The following TMEM98 variants were observed in gnomAD, a reference collection of about 807,000 sequenced individuals.
TMEM98 encodes transmembrane protein 98.
TMEM98 carries 18 observed loss-of-function variants against 25.0 expected under a neutral mutation model. That is an observed-to-expected ratio of 0.72 (90% confidence interval 0.50 to 1.07). TMEM98 has a LOEUF of 1.07. TMEM98 is among the 50% of genes least tolerant of loss of function. TMEM98 has a pLI of 0.00. For missense variants in TMEM98, 241 were observed against 289.0 expected (o/e 0.83, Z 1.20); for synonymous variants, 103 against 112.4 (o/e 0.92, Z 0.53).
intron 3 of TMEM98, 33 bp downstream of exon 3, chr17:32,931,692 G>T: frequency 1.3e-6 from 2 of 1,594,418 alleles, no homozygotes; most frequent in Non-Finnish European, 1.7e-6. Context: ...AGGAGGAGGG[G>T]TGGGCTCTAA....
chr17:32,942,919 CCA>C lies in TMEM98; in HGVS notation c.*1929_*1930del, dbSNP rs1291465708. ...ATTCATGCTAAGTTTGCAATGGCTG[CCA>C]CAGTTGTAAGTGTCCCCTGCATTTT... On this transcript the variant is annotated 3_prime_UTR_variant, in exon 8 of 8. Transcript: ENST00000579849. The C allele has an allele frequency of 6.6e-6, 1 of 152,218 alleles. No homozygotes were observed. Among genetic ancestry groups the C allele is most frequent in the African/African-American group, 2.4e-5 (1 of 41,444 alleles). The allele number at this position is 152,218 out of a possible 1,614,324, so 9.4% of individuals were successfully genotyped here.
chr17:32,928,401 G>A (rs2091444255), intron 1 of TMEM98, among the ~76,000 whole-genome samples, 164 bp downstream of exon 1: 1 of 149,526 alleles, frequency 6.7e-6, no homozygotes, highest in Non-Finnish European at 1.5e-5. Context: ...TAGGAGCCGC[G>A]CCCCGGAGCG....
Position 32,939,662 on chromosome 17 carries a change from C to T in TMEM98, c.473+126C>T, listed in dbSNP as rs561768205. The T allele has an allele frequency of 1.2e-4, 134 of 1,116,042 alleles. 1 individual carries two copies. In the Admixed American group the frequency reaches 2.2e-3, roughly 19 times the overall value. The allele number at this position is 1,116,042 out of a possible 1,614,324, so 69.1% of individuals were successfully genotyped here. A position where few individuals can be genotyped will look rare whatever the true frequency, so the allele number is the denominator to read the frequency against. On this transcript the variant is annotated intron_variant, in intron 7 of 7. Coordinates refer to ENST00000579849, the MANE Select transcript of TMEM98 (RefSeq NM_015544.3). ...GGCTTTGCAGCCTCCTTAGGCTGCC[C>T]GGGCCATGCGTGCCATTTACTTCAG...
chr17:32,938,032 A>G lies in TMEM98; in HGVS notation c.414-1445A>G, dbSNP rs552043181. Among the ~76,000 whole-genome samples, 32 of 152,252 alleles carry G rather than the reference A, an allele frequency of 2.1e-4. No homozygotes were observed. In the South Asian group the frequency reaches 6.6e-3, roughly 32 times the overall value. On this transcript the variant is annotated intron_variant, in intron 6 of 7. Coordinates refer to ENST00000579849, the MANE Select transcript of TMEM98 (RefSeq NM_015544.3). ...ACAAGGCAGCACTTTCAGGAGGTTG[A>G]GGTTTCTGTGTGAGCCTGGGTGAGT...
rs1315608085 is a variant in TMEM98 at position 32,941,043 on chromosome 17, A to G, written c.*50A>G. 3 of 1,500,816 alleles carry G rather than the reference A, an allele frequency of 2.0e-6. No homozygotes were observed. The highest frequency in any genetic ancestry group is 1.2e-5 in the South Asian group (1 of 80,738). The allele number at this position is 1,500,816 out of a possible 1,614,324, so 93.0% of individuals were successfully genotyped here. On this transcript the variant is annotated 3_prime_UTR_variant, in exon 8 of 8. Coordinates refer to ENST00000579849, the MANE Select transcript of TMEM98 (RefSeq NM_015544.3). ...TGAAGGCCCCTGCCGCCATCCCTGG[A>G]TGGCTCAGCTTAGCCTTCTACTTTT...
chr17:32,928,985 A>G (rs1168473124), intron 1 of TMEM98, among the ~76,000 whole-genome samples: 5 of 151,618 alleles, frequency 3.3e-5, no homozygotes, highest in African/African-American at 1.2e-4. Context: ...ACTCCGAGAA[A>G]CAGTTCACAC....
chr17:32,928,171 G>C lies in TMEM98; in HGVS notation c.-197G>C, dbSNP rs1391911717. 5 of 148,312 alleles carry C rather than the reference G, an allele frequency of 3.4e-5. No homozygotes were observed. Among genetic ancestry groups the C allele is most frequent in the African/African-American group, 1.2e-4 (5 of 40,802 alleles). 9.2% of individuals were successfully genotyped at this position (148,312 alleles called of 1,614,324 possible). ...TCCCGGCATGCTCCGCTGCAGGCCCGCGCCCGCGCCCGGACTTTGCCATCG... is the reference window on the plus strand; with the variant it reads ...TCCCGGCATGCTCCGCTGCAGGCCCCCGCCCGCGCCCGGACTTTGCCATCG... On this transcript the variant is annotated 5_prime_UTR_variant, in exon 1 of 8. Transcript: ENST00000579849.
chr17:32,935,370 G>T lies in TMEM98; in HGVS notation c.298-962G>T, dbSNP rs528837663. Reference sequence around the variant, plus strand: ...TTCTCCTGGCCAAGATGTGTCCTGGGCCTGGGTTTTGTCTCCTGTCCTCAT... The same window carrying T: ...TTCTCCTGGCCAAGATGTGTCCTGGTCCTGGGTTTTGTCTCCTGTCCTCAT... On this transcript the variant is annotated intron_variant, in intron 5 of 7. Coordinates refer to ENST00000579849, the MANE Select transcript of TMEM98 (RefSeq NM_015544.3). Among the ~76,000 whole-genome samples, 94 of 152,272 alleles carry T rather than the reference G, an allele frequency of 6.2e-4. 1 individual carries two copies. The highest frequency in any genetic ancestry group is 2.1e-3 in the African/African-American group (87 of 41,536).
Position 32,931,559 on chromosome 17 carries a change from G to A in TMEM98, c.31G>A (p.Val11Met), listed in dbSNP as rs1243823179. Residue 11 changes from valine (V) to methionine (M), a missense_variant, in exon 3 of 8, where the codon GTG becomes ATG. Physicochemically the swap from Val to Met is conservative, Grantham distance 21. Transcript: ENST00000579849. ...GACTGTGGTGATTGTTGCCATAGGT[G>A]TGCTGGCCACCATCTTTCTGGCTTC... Reference protein sequence around the residue: METVVIVAIGVLATIFLASFA... With the variant: METVVIVAIGMLATIFLASFA... The A allele has an allele frequency of 6.2e-7, 1 of 1,605,316 alleles. No homozygotes were observed. Among genetic ancestry groups the A allele is most frequent in the Non-Finnish European group, 8.5e-7 (1 of 1,176,264 alleles).
At chr17:32,931,294 G>C in intron 1 of TMEM98, 33 bp from the exon 2 acceptor site, 1 of 441,524 alleles carries the variant, frequency 2.3e-6, no homozygotes, top group Non-Finnish European at 3.9e-6. Context: ...CAAATTTGGG[G>C]CATGGCATAA....
At chr17:32,933,071 C>T (rs2091478199) in intron 3 of TMEM98, 103 bp from the exon 4 acceptor site, 2 of 1,495,164 alleles carry the variant, frequency 1.3e-6, no homozygotes, top group Non-Finnish European at 1.8e-6. Context: ...CCCTAGCTTA[C>T]TGACTCCCTT....
intron 7 of TMEM98, among the ~76,000 whole-genome samples, chr17:32,940,469 A>G (rs189862766): frequency 1.3e-5 from 2 of 152,146 alleles, no homozygotes; most frequent in Non-Finnish European, 2.9e-5. Context: ...CTTTGGGGAG[A>G]TGTTAATAGG....
intron 4 of TMEM98, 74 bp downstream of exon 4, chr17:32,933,379 A>C (rs2091480235): frequency 6.3e-7 from 1 of 1,592,438 alleles, no homozygotes; most frequent in Non-Finnish European, 8.6e-7. Flanking sequence ...TTGCCAGAGC[A>C]CTTAGCTGGC....
In TMEM98 at chr17:32,936,325, G is replaced by A. The variant is rs757483596; in HGVS notation, c.298-7G>A. ...AGCCCTCATCTCTCTCCTCCCTGCCGCATTAGATTTGTCACACTCTGACAG... is the reference window on the plus strand; with the variant it reads ...AGCCCTCATCTCTCTCCTCCCTGCCACATTAGATTTGTCACACTCTGACAG... On this transcript the variant is annotated splice_region_variant and splice_polypyrimidine_tract_variant and intron_variant, in intron 5 of 7. Coordinates refer to ENST00000579849, the MANE Select transcript of TMEM98 (RefSeq NM_015544.3). 6 of 1,612,152 alleles carry A rather than the reference G, an allele frequency of 3.7e-6. No individual in the cohort carries two copies. Among genetic ancestry groups the A allele is most frequent in the South Asian group, 2.2e-5 (2 of 90,952 alleles).
intron 5 of TMEM98, among the ~76,000 whole-genome samples, chr17:32,935,307 G>A (rs2091490285): frequency 6.6e-6 from 1 of 152,148 alleles, no homozygotes; most frequent in South Asian, 2.1e-4. Flanking sequence ...AGCTAGGTAG[G>A]CATAATGGCT....
At chr17:32,935,509 A>C (rs999159287) in intron 5 of TMEM98, among the ~76,000 whole-genome samples, 2 of 151,958 alleles carry the variant, frequency 1.3e-5, no homozygotes, top group African/African-American at 2.4e-5. Context: ...GAGGGCTTCT[A>C]AGTCTCCTCT....
intron 1 of TMEM98, among the ~76,000 whole-genome samples, chr17:32,930,488 C>T (rs1484232365): frequency 2.0e-5 from 3 of 152,206 alleles, no homozygotes; most frequent in Admixed American, 6.5e-5. Flanking sequence ...AAACAGTCTC[C>T]TGAGTGAAAA....
intron 4 of TMEM98, 123 bp from the exon 5 acceptor site, chr17:32,934,168 C>A: frequency 9.7e-7 from 1 of 1,035,072 alleles, no homozygotes; most frequent in Non-Finnish European, 1.5e-6. Flanking sequence ...GAGGCATTCC[C>A]ACTCTCAGTG....
At chr17:32,929,388 T>C (rs1210249394) in intron 1 of TMEM98, among the ~76,000 whole-genome samples, 1 of 151,754 alleles carries the variant, frequency 6.6e-6, no homozygotes, top group Admixed American at 6.6e-5. Flanking sequence ...AAGTGGGTGG[T>C]CTTGGAGGCC....
Sources: allele counts gnomAD v4.1 joint callset (sites outside exome capture counted in the v4.1 genomes callset), GRCh38; gene constraint gnomAD v4.1.1; transcripts MANE v1.5; gene names NCBI Gene and HGNC (gene_info 2026-07-23, HGNC 2026-07-21).